IRF2: variants seen among roughly 807,000 people sequenced by gnomAD.
IRF2 encodes the protein interferon regulatory factor 2.
IRF2 carries 15 observed loss-of-function variants against 40.6 expected under a neutral mutation model. The ratio of observed to expected loss-of-function variants is 0.37; its 90% CI spans 0.25 to 0.57. The LOEUF (loss-of-function observed/expected upper bound fraction) is 0.57. IRF2 is among the 20% of genes least tolerant of loss of function. The probability of loss-of-function intolerance (pLI) is 0.77; values close to 1 mark genes in which losing one functional copy is unlikely to be tolerated. For synonymous variants in IRF2, 151 were observed against 165.5 expected, an observed-to-expected ratio of 0.91 and a Z score of 0.67; for missense variants, 317 against 455.7, an observed-to-expected ratio of 0.70 and a Z score of 2.77.
chr4:184,430,614 C>A (rs1354757321), intron 1 of IRF2, among the ~76,000 whole-genome samples: 1 of 152,152 alleles, frequency 6.6e-6, no homozygotes, highest in East Asian at 1.9e-4. Context: ...TCATCTTATC[C>A]CTTGCCTTAC....
chr4:184,400,646 C>T (rs1736632408), intron 6 of IRF2, among the ~76,000 whole-genome samples: 1 of 152,176 alleles, frequency 6.6e-6, no homozygotes, highest in Non-Finnish European at 1.5e-5. Flanking sequence ...CAAACTGCTT[C>T]CCGGAGTGAC....
intron 5 of IRF2, among the ~76,000 whole-genome samples, chr4:184,410,020 G>A (rs562378120): frequency 6.6e-5 from 10 of 152,044 alleles, no homozygotes; most frequent in East Asian, 5.8e-4. Context: ...CCAAACTTCC[G>A]ACCCGCTGTC....
intron 7 of IRF2, among the ~76,000 whole-genome samples, chr4:184,398,181 C>T (rs990187556): frequency 6.6e-6 from 1 of 152,320 alleles, no homozygotes; most frequent in Non-Finnish European, 1.5e-5. Context: ...TACGACCCTG[C>T]GCAAGCCCCT....
intron 1 of IRF2, among the ~76,000 whole-genome samples, chr4:184,434,758 C>T (rs1738017904): frequency 7.3e-6 from 1 of 136,230 alleles, no homozygotes; most frequent in East Asian, 1.9e-4. Flanking sequence ...ATGAAGTTGA[C>T]AGTACTATCC....
chr4:184,423,256 T>C (rs1402722970), intron 2 of IRF2, among the ~76,000 whole-genome samples: 4 of 152,318 alleles, frequency 2.6e-5, no homozygotes, highest in East Asian at 3.9e-4. Context: ...ATGCTGTGTA[T>C]AGACAGACGC....
rs777257178 is a variant in IRF2, at chr4:184,407,237, C to T, written c.529+921G>A. ...AATTCAGCATGCTGCTGGCTTCTTCCGTTTCCCAAAAACAGAAGTCACCAT... is the reference window on the plus strand; with the variant it reads ...AATTCAGCATGCTGCTGGCTTCTTCTGTTTCCCAAAAACAGAAGTCACCAT... On this transcript the variant is annotated intron_variant, in intron 6 of 8. Transcript: ENST00000393593. 50 of 1,288,296 alleles carry T rather than the reference C, an allele frequency of 3.9e-5. 1 individual carries two copies. In the South Asian group the frequency reaches 4.0e-4, roughly 10 times the overall value. The allele number at this position is 1,288,296 out of a possible 1,614,324, so 79.8% of individuals were successfully genotyped here. A position where few individuals can be genotyped will look rare whatever the true frequency, so the allele number is the denominator to read the frequency against.
intron 1 of IRF2, among the ~76,000 whole-genome samples, chr4:184,452,495 C>T (rs1738750930): frequency 6.6e-6 from 1 of 152,138 alleles, no homozygotes; most frequent in Non-Finnish European, 1.5e-5. Flanking sequence ...ACAACATGGA[C>T]CGTGGAGCTC....
At chr4:184,464,006 G>A (rs570955738) in intron 1 of IRF2, among the ~76,000 whole-genome samples, 29 of 152,296 alleles carry the variant, frequency 1.9e-4, no homozygotes, top group African/African-American at 4.8e-4. Flanking sequence ...TATAGGACAC[G>A]AAGATAGGGA....
intron 6 of IRF2, chr4:184,407,181 C>G (rs775042641): frequency 2.6e-5 from 34 of 1,289,234 alleles, no homozygotes; most frequent in Non-Finnish European, 3.3e-5. Flanking sequence ...CTGCTAACCT[C>G]GGCAAGAGGC....
At chr4:184,425,097 C>T (rs1737620532) in intron 2 of IRF2, among the ~76,000 whole-genome samples, 1 of 152,238 alleles carries the variant, frequency 6.6e-6, no homozygotes, top group East Asian at 1.9e-4. Context: ...AACATGAACA[C>T]ATCCTGAATG....
At chr4:184,390,538 A>G (rs1736220161) in intron 8 of IRF2, among the ~76,000 whole-genome samples, 165 bp downstream of exon 8, 1 of 152,206 alleles carries the variant, frequency 6.6e-6, no homozygotes, top group African/African-American at 2.4e-5. Flanking sequence ...CCCCAAACCC[A>G]AAAGTATGGT....
intron 2 of IRF2, among the ~76,000 whole-genome samples, chr4:184,420,000 T>C (rs1166845923): frequency 6.6e-6 from 1 of 152,230 alleles, no homozygotes; most frequent in African/African-American, 2.4e-5. Context: ...CCTGAGTAGC[T>C]AGGATTACTG....
intron 8 of IRF2, among the ~76,000 whole-genome samples, chr4:184,390,221 G>A (rs1736206124): frequency 6.6e-6 from 1 of 152,150 alleles, no homozygotes. Flanking sequence ...GGGAGGGAGA[G>A]GGGACGGGAC....
intron 1 of IRF2, among the ~76,000 whole-genome samples, chr4:184,431,514 C>T (rs1014943318): frequency 5.3e-5 from 8 of 152,176 alleles, no homozygotes; most frequent in East Asian, 1.9e-4. Context: ...GAGCTCTGCC[C>T]GCCAGGGTGG....
intron 6 of IRF2, among the ~76,000 whole-genome samples, chr4:184,406,544 T>C (rs1736864351): frequency 6.6e-6 from 1 of 152,164 alleles, no homozygotes; most frequent in South Asian, 2.1e-4. Flanking sequence ...CTACTTTTTA[T>C]CTTATAAATA....
At chr4:184,431,346 C>T (rs181431129) in intron 1 of IRF2, among the ~76,000 whole-genome samples, 47 of 152,308 alleles carry the variant, frequency 3.1e-4, no homozygotes, top group African/African-American at 1.1e-3. Flanking sequence ...ATGACATTCC[C>T]TGCCATCTAG....
At chr4:184,402,480 G>A (rs753172723) in intron 6 of IRF2, among the ~76,000 whole-genome samples, 7 of 152,124 alleles carry the variant, frequency 4.6e-5, no homozygotes, top group African/African-American at 9.7e-5. Flanking sequence ...CTATATACCC[G>A]TATGGAGCTT....
At chr4:184,430,193 A>G (rs1187163716) in intron 1 of IRF2, among the ~76,000 whole-genome samples, 1 of 151,822 alleles carries the variant, frequency 6.6e-6, no homozygotes, top group Non-Finnish European at 1.5e-5. Flanking sequence ...TCTCTCCTCT[A>G]TTCCCTGCGC....
At chr4:184,465,381 A>T (rs575068114) in intron 1 of IRF2, among the ~76,000 whole-genome samples, 1 of 152,330 alleles carries the variant, frequency 6.6e-6, no homozygotes, top group South Asian at 2.1e-4. Flanking sequence ...AGGTGAGGGC[A>T]GAGATGACAT....
Sources: allele counts gnomAD v4.1 joint callset (sites outside exome capture counted in the v4.1 genomes callset), GRCh38; gene constraint gnomAD v4.1.1; transcripts MANE v1.5; gene names NCBI Gene and HGNC (gene_info 2026-07-23, HGNC 2026-07-21).